YARS1: variants seen among roughly 807,000 people sequenced by gnomAD.
The protein encoded by YARS1 is tyrosyl-tRNA synthetase 1, also known as tyrosine--tRNA ligase, cytoplasmic.
Under a neutral mutation model 62.2 loss-of-function variants are expected in YARS1, and 36 were observed. The observed-to-expected ratio is 0.58, with a 90% confidence interval of 0.44 to 0.76. The LOEUF is 0.76. Among genes scored for constraint, YARS1 ranks in the 30% least tolerant of loss-of-function variants. YARS1 has a pLI of 0.00. For synonymous variants in YARS1, 234 were observed against 244.9 expected, an observed-to-expected ratio of 0.96 and a Z score of 0.42; for missense variants, 524 against 639.8, an observed-to-expected ratio of 0.82 and a Z score of 1.95.
In YARS1 at chr1:32,792,879, C is replaced by CA. The variant is rs576023391; in HGVS notation, c.592-1626dup. Reference sequence around the variant, plus strand: ...TGGGTGACAAAGCGAGACTCCATCTCAAAAAAAAATAAAAATAAAAATAAA... The same window carrying CA: ...TGGGTGACAAAGCGAGACTCCATCTCAAAAAAAAAATAAAAATAAAAATAAA... On this transcript the variant is annotated intron_variant, in intron 5 of 12. Coordinates refer to ENST00000373477, the MANE Select transcript of YARS1 (RefSeq NM_003680.4). 7.4e-3 allele frequency among the ~76,000 whole-genome samples: 899 copies of CA among 121,580 alleles called. 7 individuals carry two copies. Among genetic ancestry groups the CA allele is most frequent in the African/African-American group, 0.013 (448 of 34,692 alleles). The allele number at this position is 121,580 out of a possible 152,430, so 79.8% of individuals were successfully genotyped here.
chr1:32,795,131 A>G (rs1291471144), intron 5 of YARS1, among the ~76,000 whole-genome samples: 1 of 151,604 alleles, frequency 6.6e-6, no homozygotes, highest in Non-Finnish European at 1.5e-5. Context: ...CACCTTGGCT[A>G]ACACGGTGAA....
intron 4 of YARS1, among the ~76,000 whole-genome samples, chr1:32,800,563 C>T (rs915332737): frequency 6.6e-6 from 1 of 151,776 alleles, no homozygotes; most frequent in Non-Finnish European, 1.5e-5. Context: ...ACAAGGTAAA[C>T]AGTATCAACA....
chr1:32,816,107 T>A (rs1454603293), intron 1 of YARS1, among the ~76,000 whole-genome samples: 16 of 62,038 alleles, frequency 2.6e-4, no homozygotes, highest in Admixed American at 5.0e-4. Flanking sequence ...AGACTCCGCC[T>A]CAAAAAAAAA....
chr1:32,797,249 G>A (rs1653633408), intron 5 of YARS1, among the ~76,000 whole-genome samples: 1 of 151,170 alleles, frequency 6.6e-6, no homozygotes, highest in Admixed American at 6.6e-5. Context: ...GCATGCACCT[G>A]TGGTCCCAGC....
In YARS1 at chr1:32,790,513, C is replaced by CAAA. The variant is rs35718370; in HGVS notation, c.684+646_684+648dup. 592 of 65,578 alleles carry CAAA rather than the reference C, an allele frequency of 9.0e-3. 18 individuals are homozygous for CAAA. The East Asian group carries it at 0.11, about 12-fold the overall frequency. 4.1% of individuals were successfully genotyped at this position (65,578 alleles called of 1,614,324 possible). A position where few individuals can be genotyped will look rare whatever the true frequency, so the allele number is the denominator to read the frequency against. ...TGGGTGACAGAGTGAGACTCCATCT[C>CAAA]AAAAAAAAAAAAAAAAAAAAAAAAA... On this transcript the variant is annotated intron_variant, in intron 6 of 12. Transcript: ENST00000373477.
chr1:32,790,333 C>T (rs1653375454), intron 6 of YARS1, among the ~76,000 whole-genome samples: 2 of 148,846 alleles, frequency 1.3e-5, no homozygotes, highest in Non-Finnish European at 3.0e-5. Context: ...ACAGTGAAAC[C>T]CCATCTCTAC....
chr1:32,780,884 C>T (rs1042959288), intron 10 of YARS1, among the ~76,000 whole-genome samples, 164 bp downstream of exon 10: 1 of 152,190 alleles, frequency 6.6e-6, no homozygotes, highest in African/African-American at 2.4e-5. Flanking sequence ...CCACAGGCAA[C>T]AATCGCAACA....
chr1:32,789,394 G>A (rs539193784), intron 6 of YARS1, among the ~76,000 whole-genome samples: 52 of 152,264 alleles, frequency 3.4e-4, no homozygotes, highest in Middle Eastern at 3.4e-3. Context: ...GCCACACTAA[G>A]TATTATATAT....
At chr1:32,803,039 A>G (rs1638342843) in intron 4 of YARS1, among the ~76,000 whole-genome samples, 2 of 142,130 alleles carry the variant, frequency 1.4e-5, no homozygotes, top group Admixed American at 1.5e-4. Flanking sequence ...CTGGAGTGCA[A>G]TGGTGCGATC....
intron 12 of YARS1, among the ~76,000 whole-genome samples, chr1:32,778,773 T>A (rs1478650372): frequency 2.1e-5 from 3 of 142,226 alleles, no homozygotes; most frequent in Non-Finnish European, 4.6e-5. Context: ...AGTTTCACTC[T>A]TGTTGCCCAG....
chr1:32,816,810 T>C (rs1021430462), intron 1 of YARS1: 1 of 347,076 alleles, frequency 2.9e-6, no homozygotes, highest in South Asian at 3.4e-5. Context: ...CTTCCAGTAC[T>C]TACTTGAACC....
At chr1:32,798,744 C>T (rs1330222968) in intron 4 of YARS1, among the ~76,000 whole-genome samples, 1 of 152,164 alleles carries the variant, frequency 6.6e-6, no homozygotes, top group Non-Finnish European at 1.5e-5. Flanking sequence ...ATCACCTAAG[C>T]CCAGAGAGGT....
rs1375904621 is a variant in YARS1, at chr1:32,805,220, A to AAGGGGAG, written c.510+1255_510+1261dup. On this transcript the variant is annotated intron_variant, in intron 4 of 12. Coordinates refer to ENST00000373477, the MANE Select transcript of YARS1 (RefSeq NM_003680.4). The stretch of plus-strand genomic sequence containing the variant: ...CTCGGCATCAGAGGGAGACGGTGGA[A>AAGGGGAG]AGGGGAGAGGGGGAGAGGGGGAGAG... Among the ~76,000 whole-genome samples, 121 of 53,244 alleles carry AAGGGGAG rather than the reference A, an allele frequency of 2.3e-3. 5 individuals are homozygous for AAGGGGAG. Among genetic ancestry groups the AAGGGGAG allele is most frequent in the Middle Eastern group, 0.013 (1 of 76 alleles). 34.9% of individuals were successfully genotyped at this position (53,244 alleles called of 152,430 possible). A position where few individuals can be genotyped will look rare whatever the true frequency, so the allele number is the denominator to read the frequency against.
chr1:32,780,013 C>T (rs905399357), intron 11 of YARS1, 72 bp downstream of exon 11: 1 of 1,574,516 alleles, frequency 6.4e-7, no homozygotes, highest in Non-Finnish European at 8.7e-7. Context: ...TGTGGAAGGA[C>T]ATCATATGGG....
chr1:32,779,596 C>T (rs998471026), intron 11 of YARS1, 73 bp from the exon 12 acceptor site: 24 of 1,602,254 alleles, frequency 1.5e-5, no homozygotes, highest in East Asian at 4.5e-5. Flanking sequence ...CAAAGCAATC[C>T]GGGCCTTTAC....
Position 32,780,379 on chromosome 1 carries a change from G to A in YARS1, c.1141-101C>T. The A allele has an allele frequency of 2.1e-6, 3 of 1,423,766 alleles. No homozygotes were observed. The East Asian group carries it at 6.8e-5, about 32-fold the overall frequency. 88.2% of individuals were successfully genotyped at this position (1,423,766 alleles called of 1,614,324 possible). A position where few individuals can be genotyped will look rare whatever the true frequency, so the allele number is the denominator to read the frequency against. ...GAAAGGAGCATCCACTCCTTACAGAGGCCCCTGGAAAGACCCCCTAGAGCT... is the reference window on the plus strand; with the variant it reads ...GAAAGGAGCATCCACTCCTTACAGAAGCCCCTGGAAAGACCCCCTAGAGCT... On this transcript the variant is annotated intron_variant, in intron 10 of 12. Transcript: ENST00000373477.
rs763636325 is a variant in YARS1, at chr1:32,780,192, G to A, written c.1227C>T (p.Phe409=). 33 of 1,614,124 alleles carry A rather than the reference G, an allele frequency of 2.0e-5. No individual in the cohort carries two copies. Among genetic ancestry groups the A allele is most frequent in the Non-Finnish European group, 2.7e-5 (32 of 1,180,028 alleles). ...TGTCCTGCAGTTCCTCCTTGGGCAC[G>A]AACTGTACCAGGCCGCTCACCACAG... ...PRTVVSGLVQ[F]VPKEELQDRL... is the part of the protein sequence containing the mutation. The change falls in exon 11 of 13, where the codon TTC becomes TTT. Residue 409 remains phenylalanine, a synonymous_variant. Coordinates refer to ENST00000373477, the MANE Select transcript of YARS1 (RefSeq NM_003680.4).
rs567550184 is a variant in YARS1 at position 32,789,184 on chromosome 1, A to C, written c.684+1978T>G. Among the ~76,000 whole-genome samples, 4 of 152,330 alleles carry C rather than the reference A, an allele frequency of 2.6e-5. No individual in the cohort carries two copies. The East Asian group carries it at 5.8e-4, about 22-fold the overall frequency. ...ATTATTAGTGGAAACATAATTTAGC[A>C]AACTCCAAACTGTTAGATTCTATCC... On this transcript the variant is annotated intron_variant, in intron 6 of 12. Transcript: ENST00000373477.
chr1:32,789,932 G>C (rs998584151), intron 6 of YARS1, among the ~76,000 whole-genome samples: 6 of 148,818 alleles, frequency 4.0e-5, no homozygotes, highest in Non-Finnish European at 1.5e-5. Flanking sequence ...TGCCCAGGCT[G>C]GAGTGCAACA....
Sources: allele counts gnomAD v4.1 joint callset (sites outside exome capture counted in the v4.1 genomes callset), GRCh38; gene constraint gnomAD v4.1.1; transcripts MANE v1.5; gene names NCBI Gene and HGNC (gene_info 2026-07-23, HGNC 2026-07-21).